Variants in KCNK12 observed in about 807,000 individuals in gnomAD.
KCNK12 encodes the protein potassium two pore domain channel subfamily K member 12.
Under a neutral mutation model 25.3 loss-of-function variants are expected in KCNK12, and 6 were observed. The ratio of observed to expected loss-of-function variants is 0.24; its 90% CI spans 0.13 to 0.47. KCNK12 has a LOEUF of 0.47. Ranked by LOEUF, KCNK12 falls within the 20% of genes least tolerant of loss-of-function variation. KCNK12 has a pLI of 0.99. For synonymous variants in KCNK12, 331 were observed against 311.1 expected (o/e 1.06, Z -0.67); for missense variants, 444 against 661.7 (o/e 0.67, Z 3.61).
chr2:47,520,536 G>A lies in KCNK12; in HGVS notation c.*371C>T, dbSNP rs1253590530. 1 of 184,334 alleles carries A rather than the reference G, an allele frequency of 5.4e-6. No homozygotes were observed. Among genetic ancestry groups the A allele is most frequent in the Non-Finnish European group, 1.1e-5 (1 of 89,944 alleles). The allele number at this position is 184,334 out of a possible 1,614,324, so 11.4% of individuals were successfully genotyped here. A position where few individuals can be genotyped will look rare whatever the true frequency, so the allele number is the denominator to read the frequency against. ...AGGAGGTAATTCAGAGCCACGAAAA[G>A]TTGCACCATATGCTTTGGGGTTGCC... On this transcript the variant is annotated 3_prime_UTR_variant, in exon 2 of 2. Coordinates refer to ENST00000327876, the MANE Select transcript of KCNK12 (RefSeq NM_022055.2). This position sits in a 1 kb window ranked among gnomAD's most constrained non-coding sequence, Gnocchi z 5.0.
chr2:47,542,006 A>G (rs907438641), intron 1 of KCNK12, among the ~76,000 whole-genome samples: 7 of 152,200 alleles, frequency 4.6e-5, no homozygotes, highest in African/African-American at 1.4e-4. Flanking sequence ...CAGCGGCAGC[A>G]GGGAGCCCAG....
intron 1 of KCNK12, among the ~76,000 whole-genome samples, chr2:47,568,306 T>TAA (rs60947829): frequency 1.7e-4 from 24 of 143,132 alleles, no homozygotes; most frequent in African/African-American, 5.3e-4. Flanking sequence ...TTAAAGCACT[T>TAA]AAAAAAAAAA....
Position 47,509,309 on chromosome 2 carries a change from G to C in KCNK12, c.*11598C>G, listed in dbSNP as rs1472529105. ...CAAACATTGAGCACTGAGTGAAAAA[G>C]TTTTATTGCCAAACAGGAAACCTGA... On this transcript the variant is annotated 3_prime_UTR_variant, in exon 2 of 2. Coordinates refer to ENST00000327876, the MANE Select transcript of KCNK12 (RefSeq NM_022055.2). Among the ~76,000 whole-genome samples, 5 of 152,188 alleles carry C rather than the reference G, an allele frequency of 3.3e-5. No individual in the cohort carries two copies. The South Asian group carries it at 6.2e-4, about 19-fold the overall frequency.
At chr2:47,542,925 CTTTA>C (rs974990714) in intron 1 of KCNK12, among the ~76,000 whole-genome samples, 10 of 152,104 alleles carry the variant, frequency 6.6e-5, no homozygotes, top group Non-Finnish European at 1.0e-4. Flanking sequence ...TTTTCTTTTT[CTTTA>C]TTTATTTAGA....
rs1233884760 is a variant in KCNK12 at position 47,514,104 on chromosome 2, C to T, written c.*6803G>A. On this transcript the variant is annotated 3_prime_UTR_variant, in exon 2 of 2. Transcript: ENST00000327876. This position sits in a 1 kb window ranked among gnomAD's most constrained non-coding sequence, Gnocchi z 5.0. ...CATGCTCCAGTCCTGCAGAACTACA[C>T]ACAGTTCCCCCAACAAGGCCCTGCT... Among the ~76,000 whole-genome samples the T allele has an allele frequency of 6.6e-6, 1 of 152,210 alleles. No individual in the cohort carries two copies. Among genetic ancestry groups the T allele is most frequent in the Non-Finnish European group, 1.5e-5 (1 of 68,038 alleles).
At chr2:47,559,176 C>A (rs1669611932) in intron 1 of KCNK12, among the ~76,000 whole-genome samples, 1 of 152,160 alleles carries the variant, frequency 6.6e-6, no homozygotes, top group African/African-American at 2.4e-5. Flanking sequence ...GGATAAGGAC[C>A]CAGCTGACTC....
In KCNK12 at chr2:47,510,659, A is replaced by G. The variant is rs1668378911; in HGVS notation, c.*10248T>C. On this transcript the variant is annotated 3_prime_UTR_variant, in exon 2 of 2. Coordinates refer to ENST00000327876, the MANE Select transcript of KCNK12 (RefSeq NM_022055.2). ...TCTCTATTCAGTGGAACACAGCAGC[A>G]CTGTGACCTGCCCACGAGAAGAAGG... is the stretch of plus-strand genomic sequence containing the variant. 6.6e-6 allele frequency among the ~76,000 whole-genome samples: 1 copy of G among 152,178 alleles called. No individual in the cohort carries two copies. The highest frequency in any genetic ancestry group is 2.4e-5 in the African/African-American group (1 of 41,440).
chr2:47,523,364 A>C (rs752230385), intron 1 of KCNK12, among the ~76,000 whole-genome samples: 1 of 152,220 alleles, frequency 6.6e-6, no homozygotes, highest in Non-Finnish European at 1.5e-5. Flanking sequence ...AAGGATCACC[A>C]TCAGTCATCC....
rs1334863864 is a variant in KCNK12, at chr2:47,512,438, G to A, written c.*8469C>T. Reference sequence around the variant, plus strand: ...GGGCAGTGGTGAGCTCTCATGACCTGGTGTCTGTTGCCTTCTGGTTAAGTT... The same window carrying A: ...GGGCAGTGGTGAGCTCTCATGACCTAGTGTCTGTTGCCTTCTGGTTAAGTT... On this transcript the variant is annotated 3_prime_UTR_variant, in exon 2 of 2. Coordinates refer to ENST00000327876, the MANE Select transcript of KCNK12 (RefSeq NM_022055.2). The A allele has an allele frequency of 1.3e-6, 2 of 1,595,160 alleles. No individual in the cohort carries two copies. The highest frequency in any genetic ancestry group is 3.5e-5 in the Admixed American group (2 of 56,514).
At chr2:47,539,048 A>G (rs1021189663) in intron 1 of KCNK12, among the ~76,000 whole-genome samples, 1 of 152,244 alleles carries the variant, frequency 6.6e-6, no homozygotes, top group African/African-American at 2.4e-5. Context: ...ACACCCATCA[A>G]CATCTTTAAT....
intron 1 of KCNK12, among the ~76,000 whole-genome samples, chr2:47,545,083 G>T (rs185381018): frequency 6.6e-6 from 1 of 152,264 alleles, no homozygotes; most frequent in Admixed American, 6.5e-5. Flanking sequence ...GAGTCTCACC[G>T]TCTGGGTGGG....
At chr2:47,543,527 G>C (rs1327439080) in intron 1 of KCNK12, 1 of 152,202 alleles carries the variant, frequency 6.6e-6, no homozygotes, top group East Asian at 1.9e-4. Flanking sequence ...CCCTCCTTGC[G>C]GTTCTCTGAA....
intron 1 of KCNK12, among the ~76,000 whole-genome samples, chr2:47,554,939 A>G (rs968947606): frequency 1.3e-5 from 2 of 152,174 alleles, no homozygotes; most frequent in Non-Finnish European, 2.9e-5. Flanking sequence ...AAAGTTTAGG[A>G]AAAAAAGAGG....
At chr2:47,553,299 CTCTTGA>C (rs907243439) in intron 1 of KCNK12, among the ~76,000 whole-genome samples, 23 of 152,162 alleles carry the variant, frequency 1.5e-4, no homozygotes, top group African/African-American at 5.3e-4. Flanking sequence ...GTTGGCAGTC[CTCTTGA>C]ATAAGTTTGG....
chr2:47,548,705 C>A lies in KCNK12; in HGVS notation c.391+21236G>T, dbSNP rs964916689. On this transcript the variant is annotated intron_variant, in intron 1 of 1. Coordinates refer to ENST00000327876, the MANE Select transcript of KCNK12 (RefSeq NM_022055.2). This position sits in a 1 kb window ranked among gnomAD's most constrained non-coding sequence, Gnocchi z 4.4. Reference sequence around the variant, plus strand: ...AAAAAGTCTATGAGATAATTATTTTCAGACATTGGAAAAAAGGTAGTTCAG... The same window carrying A: ...AAAAAGTCTATGAGATAATTATTTTAAGACATTGGAAAAAAGGTAGTTCAG... Among the ~76,000 whole-genome samples the A allele has an allele frequency of 6.6e-6, 1 of 152,178 alleles. No individual in the cohort carries two copies. Among genetic ancestry groups the A allele is most frequent in the African/African-American group, 2.4e-5 (1 of 41,432 alleles).
At chr2:47,523,673 G>A (rs1304914794) in intron 1 of KCNK12, among the ~76,000 whole-genome samples, 8 of 152,154 alleles carry the variant, frequency 5.3e-5, no homozygotes, top group African/African-American at 1.4e-4. Context: ...TGTGGGACCC[G>A]TGGTTGCCTG....
At chr2:47,563,351 G>T (rs1244949467) in intron 1 of KCNK12, 1 of 233,580 alleles carries the variant, frequency 4.3e-6, no homozygotes. Context: ...AGCAGTGTGT[G>T]TGTGTGTCTG....
chr2:47,543,404 C>T (rs560434370), intron 1 of KCNK12: 4 of 152,154 alleles, frequency 2.6e-5, no homozygotes, highest in South Asian at 2.1e-4. Flanking sequence ...AAGCATTATC[C>T]TCGGTTTTTA....
chr2:47,566,419 TGTACACACACAC>T lies in KCNK12; in HGVS notation c.391+3510_391+3521del. The T allele has an allele frequency of 6.6e-6, 1 of 151,792 alleles. No individual in the cohort carries two copies. The allele number at this position is 151,792 out of a possible 1,614,324, so 9.4% of individuals were successfully genotyped here. A position where few individuals can be genotyped will look rare whatever the true frequency, so the allele number is the denominator to read the frequency against. Reference sequence around the variant, plus strand: ...TCTCAAGAGTGTGTGTGTGCACGTGTGTACACACACACGTGCACACACACATACACACACTGG... The same window carrying T: ...TCTCAAGAGTGTGTGTGTGCACGTGTGTGCACACACACATACACACACTGG... On this transcript the variant is annotated intron_variant, in intron 1 of 1. Coordinates refer to ENST00000327876, the MANE Select transcript of KCNK12 (RefSeq NM_022055.2). The surrounding 1 kb of genome is among the most constrained non-coding windows in gnomAD (Gnocchi z 4.1).
Sources: gnomAD v4.1 joint callset for allele counts (sites outside exome capture counted in the v4.1 genomes callset) on GRCh38, gnomAD v4.1.1 for gene constraint, Gnocchi (gnomAD v3.1) non-coding constraint, MANE v1.5 for transcripts, NCBI Gene and HGNC (gene_info 2026-07-23, HGNC 2026-07-21) for gene names.